The following DNAH12 variants were observed in gnomAD, a reference collection of about 807,000 sequenced individuals.
The protein encoded by DNAH12 is axonemal beta dynein heavy chain 12.
Under a neutral mutation model 371.5 loss-of-function variants are expected in DNAH12, and 285 were observed. That is an observed-to-expected ratio of 0.77 (90% confidence interval 0.70 to 0.85). DNAH12 has a LOEUF of 0.85. DNAH12 is among the 40% of genes least tolerant of loss of function. The pLI is 0.00. For missense variants in DNAH12, 3,611 were observed against 3,689.4 expected, an observed-to-expected ratio of 0.98 and a Z score of 0.55; for synonymous variants, 1,200 against 1,213.0, an observed-to-expected ratio of 0.99 and a Z score of 0.22.
intron 11 of DNAH12, among the ~76,000 whole-genome samples, chr3:57,490,620 T>A (rs1370314584): frequency 6.6e-6 from 1 of 152,162 alleles, no homozygotes; most frequent in Non-Finnish European, 1.5e-5. Flanking sequence ...CTGTTCCTTT[T>A]ATTCTTCCTT....
intron 69 of DNAH12, among the ~76,000 whole-genome samples, chr3:57,304,887 G>A (rs1048621186): frequency 6.6e-6 from 1 of 151,738 alleles, no homozygotes; most frequent in Non-Finnish European, 1.5e-5. Flanking sequence ...TTCTCTTCGT[G>A]TCTCTACTCT....
At chr3:57,351,488 T>C (rs1322816473) in intron 60 of DNAH12, among the ~76,000 whole-genome samples, 3 of 152,136 alleles carry the variant, frequency 2.0e-5, no homozygotes, top group African/African-American at 2.4e-5. Flanking sequence ...CCATTACTTA[T>C]AATAGTGCCA....
chr3:57,452,924 A>G lies in DNAH12; in HGVS notation c.3705T>C (p.Asn1235=), dbSNP rs1301670598. Reference sequence around the variant, plus strand: ...CAAGATATTCATAAGCATATTTTACATTGCAATTAATGATACGAACTCGGG... The same window carrying G: ...CAAGATATTCATAAGCATATTTTACGTTGCAATTAATGATACGAACTCGGG... ...ENARVRIINC[N]VKYAYEYLGN... The change falls in exon 25 of 74, where the codon AAT becomes AAC. Residue 1235 remains asparagine, a synonymous_variant. Transcript: ENST00000495027. 6.4e-7 allele frequency: 1 copy of G among 1,551,370 alleles called. No individual in the cohort carries two copies. Among genetic ancestry groups the G allele is most frequent in the Non-Finnish European group, 8.7e-7 (1 of 1,146,934 alleles).
chr3:57,407,062 C>G (rs544202712), intron 40 of DNAH12, among the ~76,000 whole-genome samples: 1 of 152,110 alleles, frequency 6.6e-6, no homozygotes, highest in Non-Finnish European at 1.5e-5. Context: ...CCACGCCCAG[C>G]TAATTTTTGT....
At position 57,405,059 on chromosome 3, in the gene DNAH12, G is replaced by C; in HGVS notation, c.6665C>G (p.Pro2222Arg). 1 of 1,546,302 alleles carries C rather than the reference G, an allele frequency of 6.5e-7. No individual in the cohort carries two copies. Among genetic ancestry groups the C allele is most frequent in the Non-Finnish European group, 8.7e-7 (1 of 1,145,348 alleles). ...AACATCACTAAAATGATGAATATTT[G>C]GAATTTCAATATAAACTCTATCATC... ...EGDDRVYIEI[P>R]NIHHFSDVVD... is the part of the protein sequence containing the mutation. The change falls in exon 42 of 74, where the codon CCA (proline) becomes CGA (arginine). Residue 2222 changes from proline to arginine, a missense_variant. Around this residue, in one of 3 missense-constraint regions of DNAH12, gnomAD observed 2,266 missense variants for 2,236.9 expected, o/e 1.01. Coordinates refer to ENST00000495027, the MANE Select transcript of DNAH12 (RefSeq NM_001366028.2).
At position 57,448,013 on chromosome 3, in the gene DNAH12, T is replaced by C. The variant is rs149865042; in HGVS notation, c.3787-1324A>G. ...TTTATAATGGATGCCATATTGTTAATGCCCATTAACTTGATTGCTGAAAAC... is the reference window on the plus strand; with the variant it reads ...TTTATAATGGATGCCATATTGTTAACGCCCATTAACTTGATTGCTGAAAAC... On this transcript the variant is annotated intron_variant, in intron 25 of 73. Coordinates refer to ENST00000495027, the MANE Select transcript of DNAH12 (RefSeq NM_001366028.2). Among the ~76,000 whole-genome samples the C allele has an allele frequency of 1.8e-3, 267 of 152,300 alleles. 1 individual carries two copies. The highest frequency in any genetic ancestry group is 6.2e-3 in the African/African-American group (257 of 41,568).
Position 57,314,557 on chromosome 3 carries a change from A to G in DNAH12, c.10599T>C (p.Leu3533=), listed in dbSNP as rs951601073. Reference sequence around the variant, plus strand: ...TAAATCCATATGGAATATTCCAACCAAGAGGACCAAATTTCTTTCTCTCTT... The same window carrying G: ...TAAATCCATATGGAATATTCCAACCGAGAGGACCAAATTTCTTTCTCTCTT... ...LVQERKKFGP[L]GWNIPYGFNE... Residue 3533 remains leucine (L), a synonymous_variant, in exon 66 of 74, where the codon CTT becomes CTC. Transcript: ENST00000495027. The G allele has an allele frequency of 3.2e-6, 5 of 1,551,326 alleles. No individual in the cohort carries two copies. The African/African-American group carries it at 4.1e-5, about 13-fold the overall frequency.
chr3:57,492,459 TC>T (rs1023701226), intron 11 of DNAH12, among the ~76,000 whole-genome samples: 42 of 151,326 alleles, frequency 2.8e-4, no homozygotes, highest in African/African-American at 9.2e-4. Context: ...AAACTCCAAC[TC>T]AAATAAATAA....
At chr3:57,428,424 T>C (rs753779354) in intron 34 of DNAH12, 17 of 1,517,312 alleles carry the variant, frequency 1.1e-5, no homozygotes, top group Non-Finnish European at 1.4e-5. Context: ...TTTTAGACAC[T>C]ATGGTTGTAT....
Position 57,480,842 on chromosome 3 carries a change from G to A in DNAH12, c.1650+2534C>T, listed in dbSNP as rs374950679. ...ACCATATGATTATCTCAATAGATGC[G>A]GAAAAGGCCTTTGACAAAATTCAAC... is the stretch of plus-strand genomic sequence containing the variant. On this transcript the variant is annotated intron_variant, in intron 13 of 73. Coordinates refer to ENST00000495027, the MANE Select transcript of DNAH12 (RefSeq NM_001366028.2). Among the ~76,000 whole-genome samples the A allele has an allele frequency of 1.1e-4, 16 of 152,120 alleles. No homozygotes were observed. The East Asian group carries it at 1.2e-3, about 11-fold the overall frequency.
At chr3:57,529,061 C>A (rs1295905866) in intron 2 of DNAH12, among the ~76,000 whole-genome samples, 14 of 151,990 alleles carry the variant, frequency 9.2e-5, no homozygotes, top group Admixed American at 9.2e-4. Context: ...CAGCCTCCCA[C>A]AGTGCTGGGA....
At chr3:57,444,910 ACCC>A in intron 28 of DNAH12, 94 bp from the exon 29 acceptor site, 2 of 887,280 alleles carry the variant, frequency 2.3e-6, no homozygotes, top group Non-Finnish European at 2.7e-6. Context: ...GCCCCACCCC[ACCC>A]CCCTGGCTAA....
chr3:57,424,960 ACAT>A, intron 35 of DNAH12, 59 bp downstream of exon 35: 1 of 663,546 alleles, frequency 1.5e-6, no homozygotes, highest in Non-Finnish European at 2.7e-6. Context: ...CTCAATATAA[ACAT>A]CATGTACCAG....
intron 11 of DNAH12, among the ~76,000 whole-genome samples, chr3:57,499,641 A>ATATATATAT (rs1553711536): frequency 1.2e-4 from 3 of 25,416 alleles, no homozygotes; most frequent in African/African-American, 5.0e-4. Flanking sequence ...AAAAAAAAAA[A>ATATATATAT]AAAAAAATAT....
At position 57,309,676 on chromosome 3, in the gene DNAH12, A is replaced by G; in HGVS notation, c.11075T>C (p.Ile3692Thr). The G allele has an allele frequency of 6.6e-7, 1 of 1,516,100 alleles. No individual in the cohort carries two copies. The highest frequency in any genetic ancestry group is 2.5e-5 in the East Asian group (1 of 40,438). 93.9% of individuals were successfully genotyped at this position (1,516,100 alleles called of 1,614,324 possible). The change falls in exon 68 of 74, where the codon ATC becomes ACC. Residue 3692 changes from isoleucine to threonine, a missense_variant. Coordinates refer to ENST00000495027, the MANE Select transcript of DNAH12 (RefSeq NM_001366028.2). ...DQILLEITKD[I>T]LNKLPSDFDI... ...TAAGCTGAACATTACCTTGTTGAGG[A>G]TATCTTTGGTAATTTCTAACAGAAT... is the stretch of plus-strand genomic sequence containing the variant.
chr3:57,429,129 A>G (rs1202700353), intron 33 of DNAH12, among the ~76,000 whole-genome samples: 1 of 151,672 alleles, frequency 6.6e-6, no homozygotes, highest in African/African-American at 2.4e-5. Context: ...GTTACCTTCC[A>G]TGGTGCTCCT....
At chr3:57,397,709 T>C (rs1452745765) in intron 43 of DNAH12, among the ~76,000 whole-genome samples, 5 of 152,260 alleles carry the variant, frequency 3.3e-5, no homozygotes, top group Admixed American at 2.0e-4. Context: ...AAAGCACTCA[T>C]ACATGCAACA....
chr3:57,538,094 A>T (rs931059074), intron 2 of DNAH12, among the ~76,000 whole-genome samples: 1 of 152,216 alleles, frequency 6.6e-6, no homozygotes, highest in Admixed American at 6.5e-5. Flanking sequence ...CACACACAAG[A>T]TAAAGTTAGT....
chr3:57,422,784 T>G (rs1331302716), intron 35 of DNAH12, among the ~76,000 whole-genome samples: 2 of 152,246 alleles, frequency 1.3e-5, no homozygotes, highest in Non-Finnish European at 1.5e-5. Context: ...GCACTATTTG[T>G]AATAGCAAAA....
Sources: gnomAD v4.1 joint callset for allele counts (sites outside exome capture counted in the v4.1 genomes callset) on GRCh38, gnomAD v4.1.1 for gene constraint, gnomAD v4.1.1 regional missense constraint, MANE v1.5 for transcripts, NCBI Gene and HGNC (gene_info 2026-07-23, HGNC 2026-07-21) for gene names.